The following DCHS2 variants were observed in gnomAD, a reference collection of about 807,000 sequenced individuals.
The protein encoded by DCHS2 is dachsous cadherin-related 2.
Under a neutral mutation model 182.4 loss-of-function variants are expected in DCHS2, and 142 were observed. The ratio of observed to expected loss-of-function variants is 0.78; its 90% confidence interval spans 0.68 to 0.89. DCHS2 has a LOEUF of 0.89. Among genes scored for constraint, DCHS2 ranks in the 40% least tolerant of loss-of-function variants. The pLI, the probability that DCHS2 is intolerant of heterozygous loss-of-function variation, is 0.00. For missense variants in DCHS2, 4,319 were observed against 4,198.6 expected, an observed-to-expected ratio of 1.03 and a Z score of -0.79; for synonymous variants, 1,740 against 1,663.3, an observed-to-expected ratio of 1.05 and a Z score of -1.12.
At chr4:154,301,691 G>T (rs1735198774) in intron 12 of DCHS2, among the ~76,000 whole-genome samples, 1 of 152,040 alleles carries the variant, frequency 6.6e-6, no homozygotes, top group Non-Finnish European at 1.5e-5. Flanking sequence ...TAGAGACGAG[G>T]TTTCTCCATG....
chr4:154,282,067 C>T (rs995655327), intron 13 of DCHS2, among the ~76,000 whole-genome samples: 1 of 151,856 alleles, frequency 6.6e-6, no homozygotes, highest in Admixed American at 6.6e-5. Flanking sequence ...AGCTGAAACT[C>T]CAAAATTAAT....
intron 1 of DCHS2, among the ~76,000 whole-genome samples, chr4:154,464,225 C>A (rs6820408): frequency 0.019 from 2,893 of 152,180 alleles, 78 homozygotes; most frequent in African/African-American, 0.064. Context: ...AAACATATCA[C>A]CAAAAATGCT....
intron 1 of DCHS2, among the ~76,000 whole-genome samples, chr4:154,485,432 GAGAAGGTC>G (rs1425306544): frequency 6.6e-6 from 1 of 152,192 alleles, no homozygotes; most frequent in Non-Finnish European, 1.5e-5. Context: ...ACAGTGATGG[GAGAAGGTC>G]AGAACACATG....
chr4:154,380,094 C>T (rs1227755827), intron 1 of DCHS2, among the ~76,000 whole-genome samples: 1 of 152,054 alleles, frequency 6.6e-6, no homozygotes, highest in African/African-American at 2.4e-5. Flanking sequence ...TTATCTGACC[C>T]GAAATGTTAG....
chr4:154,381,068 C>T (rs767275081), intron 1 of DCHS2, among the ~76,000 whole-genome samples: 37 of 152,074 alleles, frequency 2.4e-4, no homozygotes, highest in Non-Finnish European at 3.7e-4. Context: ...TCCATTATCG[C>T]AATCTTATGG....
intron 1 of DCHS2, among the ~76,000 whole-genome samples, chr4:154,473,118 C>T (rs183098566): frequency 6.6e-6 from 1 of 152,260 alleles, no homozygotes; most frequent in African/African-American, 2.4e-5. Flanking sequence ...ATCGGGTGGG[C>T]TCTATCATCT....
intron 1 of DCHS2, among the ~76,000 whole-genome samples, chr4:154,460,510 T>C (rs73854784): frequency 0.011 from 1,636 of 152,312 alleles, 25 homozygotes; most frequent in South Asian, 0.072. Context: ...GTAACAGGAC[T>C]GACCTCATGG....
intron 1 of DCHS2, among the ~76,000 whole-genome samples, 179 bp downstream of exon 1, chr4:154,489,124 CA>C (rs34485270): frequency 0.53 from 79,995 of 151,482 alleles, 21,578 homozygotes; most frequent in East Asian, 0.84. Flanking sequence ...AAGACCCTGG[CA>C]AAAAAAAGTT....
At position 154,333,514 on chromosome 4, in the gene DCHS2, C is replaced by T; in HGVS notation, c.2714-20G>A. On this transcript the variant is annotated intron_variant, in intron 4 of 19. Coordinates refer to ENST00000357232, the MANE Select transcript of DCHS2 (RefSeq NM_001358235.2). ...AGGAGTCTGAAAAAGAGAGAGGGGA[C>T]AACCACTGTATGTCAAAAGGGTGGA... 8 of 1,590,104 alleles carry T rather than the reference C, an allele frequency of 5.0e-6. No homozygotes were observed. Among genetic ancestry groups the T allele is most frequent in the Non-Finnish European group, 6.9e-6 (8 of 1,164,888 alleles).
chr4:154,477,463 T>C (rs1324004114), intron 1 of DCHS2, among the ~76,000 whole-genome samples: 1 of 152,102 alleles, frequency 6.6e-6, no homozygotes, highest in Non-Finnish European at 1.5e-5. Flanking sequence ...CTTTTTGAAA[T>C]ACAGAGGACT....
intron 1 of DCHS2, among the ~76,000 whole-genome samples, chr4:154,387,963 G>T (rs574118953): frequency 6.6e-6 from 1 of 151,848 alleles, no homozygotes; most frequent in Non-Finnish European, 1.5e-5. Context: ...TTCCAAATTG[G>T]CAATCATTAA....
At chr4:154,382,259 C>T (rs1731204569) in intron 1 of DCHS2, among the ~76,000 whole-genome samples, 1 of 152,088 alleles carries the variant, frequency 6.6e-6, no homozygotes, top group Non-Finnish European at 1.5e-5. Context: ...GCCCACCTTT[C>T]ACCATATACA....
intron 7 of DCHS2, among the ~76,000 whole-genome samples, chr4:154,324,935 T>C (rs1433296031): frequency 6.6e-6 from 1 of 152,200 alleles, no homozygotes; most frequent in East Asian, 1.9e-4. Flanking sequence ...ATATATTTTG[T>C]AGTTGCTTCT....
intron 10 of DCHS2, among the ~76,000 whole-genome samples, chr4:154,311,566 A>G (rs970623303): frequency 2.0e-5 from 3 of 152,180 alleles, no homozygotes; most frequent in Non-Finnish European, 4.4e-5. Context: ...CCTCGACTGT[A>G]CAATGTCCTC....
At chr4:154,384,118 A>G (rs779667129) in intron 1 of DCHS2, among the ~76,000 whole-genome samples, 1 of 152,214 alleles carries the variant, frequency 6.6e-6, no homozygotes, top group Non-Finnish European at 1.5e-5. Context: ...TGCAGCTGAA[A>G]TAGGACTATA....
intron 1 of DCHS2, among the ~76,000 whole-genome samples, chr4:154,390,047 A>C (rs1002958953): frequency 2.0e-5 from 3 of 151,966 alleles, no homozygotes; most frequent in African/African-American, 7.2e-5. Context: ...TGAGTTATTA[A>C]ATTATTTCAG....
In DCHS2 at chr4:154,464,739, G is replaced by T. The variant is rs554085187; in HGVS notation, c.2052+24565C>A. ...TAGAGACTGAGGCTGAACAGGATTTGCAATATCCTCTTGGTGCCCAGGCCA... is the reference window on the plus strand; with the variant it reads ...TAGAGACTGAGGCTGAACAGGATTTTCAATATCCTCTTGGTGCCCAGGCCA... On this transcript the variant is annotated intron_variant, in intron 1 of 19. Coordinates refer to ENST00000357232, the MANE Select transcript of DCHS2 (RefSeq NM_001358235.2). Among the ~76,000 whole-genome samples, 3 of 152,146 alleles carry T rather than the reference G, an allele frequency of 2.0e-5. No homozygotes were observed. The South Asian group carries it at 6.2e-4, about 32-fold the overall frequency.
At chr4:154,276,706 T>G (rs1438085243) in intron 13 of DCHS2, among the ~76,000 whole-genome samples, 1 of 152,194 alleles carries the variant, frequency 6.6e-6, no homozygotes, top group Non-Finnish European at 1.5e-5. Flanking sequence ...GATGGCAGAA[T>G]GGGAAACCCC....
chr4:154,289,232 A>C (rs902397948), intron 13 of DCHS2, among the ~76,000 whole-genome samples: 23 of 151,908 alleles, frequency 1.5e-4, no homozygotes, highest in African/African-American at 5.6e-4. Context: ...TAAATAAATA[A>C]AATCAGAGGT....
Sources: allele counts gnomAD v4.1 joint callset (sites outside exome capture counted in the v4.1 genomes callset), GRCh38; gene constraint gnomAD v4.1.1; transcripts MANE v1.5; gene names NCBI Gene and HGNC (gene_info 2026-07-23, HGNC 2026-07-21).